DPP6: variants seen among roughly 807,000 people sequenced by gnomAD.
DPP6 encodes dipeptidyl peptidase like 6.
Under a neutral mutation model 122.6 loss-of-function variants are expected in DPP6, and 69 were observed. That is an observed-to-expected ratio of 0.56 (90% CI 0.46 to 0.69). The LOEUF (loss-of-function observed/expected upper bound fraction) is 0.69, where lower values mean the gene tolerates loss of function less well. Among genes scored for constraint, DPP6 ranks in the 30% least tolerant of loss-of-function variants. The probability of loss-of-function intolerance (pLI) is 0.00; values close to 1 mark genes in which losing one functional copy is unlikely to be tolerated. For missense variants in DPP6, 928 were observed against 1,116.9 expected, an observed-to-expected ratio of 0.83 and a Z score of 2.41; for synonymous variants, 418 against 433.1, an observed-to-expected ratio of 0.97 and a Z score of 0.43.
chr7:153,967,757 T>G (rs912923965), intron 1 of DPP6, among the ~76,000 whole-genome samples: 4 of 152,060 alleles, frequency 2.6e-5, no homozygotes, highest in African/African-American at 9.7e-5. Context: ...CACAAACTAT[T>G]AATGAGCTCA....
chr7:154,185,394 G>T (rs1377814857), intron 1 of DPP6, among the ~76,000 whole-genome samples: 1 of 152,104 alleles, frequency 6.6e-6, no homozygotes, highest in Non-Finnish European at 1.5e-5. Context: ...TTCTACTTGG[G>T]ATTCAGGGAG....
At chr7:153,852,731 CACTT>C in the DPP6 span, among the ~76,000 whole-genome samples, 2 of 152,170 alleles carry the variant, frequency 1.3e-5, no homozygotes, top group Non-Finnish European at 2.9e-5. Context: ...ACTTACCAAA[CACTT>C]ATTTATCCTC....
the DPP6 span, among the ~76,000 whole-genome samples, chr7:153,781,226 C>G: frequency 6.6e-6 from 1 of 152,138 alleles, no homozygotes; most frequent in Non-Finnish European, 1.5e-5. Context: ...CTGAGCTCTT[C>G]CACCAGCTCT....
intron 1 of DPP6, among the ~76,000 whole-genome samples, chr7:154,421,453 G>T (rs1817465674): frequency 6.6e-6 from 1 of 151,946 alleles, no homozygotes. Flanking sequence ...CTCCTCAGTA[G>T]CTGGGATTAC....
chr7:154,213,942 C>A (rs1799866953), intron 1 of DPP6, among the ~76,000 whole-genome samples: 1 of 152,170 alleles, frequency 6.6e-6, no homozygotes, highest in Admixed American at 6.5e-5. Flanking sequence ...TCCCTGCTCA[C>A]CAGTAACATG....
chr7:154,312,263 C>T (rs1222311903), intron 1 of DPP6, among the ~76,000 whole-genome samples: 2 of 152,118 alleles, frequency 1.3e-5, no homozygotes, highest in African/African-American at 4.8e-5. Flanking sequence ...AAATGTGCAG[C>T]GATTCCTTCT....
chr7:153,836,080 C>T, the DPP6 span, among the ~76,000 whole-genome samples: 1 of 152,248 alleles, frequency 6.6e-6, no homozygotes, highest in African/African-American at 2.4e-5. Flanking sequence ...TCTTCCTTAT[C>T]TGATCTCCAA....
chr7:153,877,489 C>T, the DPP6 span, among the ~76,000 whole-genome samples: 3 of 152,064 alleles, frequency 2.0e-5, no homozygotes, highest in Admixed American at 6.6e-5. Context: ...ACCAAAAACT[C>T]GTGAGAACTG....
intron 7 of DPP6, among the ~76,000 whole-genome samples, chr7:154,718,118 G>A (rs1841594840): frequency 6.6e-6 from 1 of 152,078 alleles, no homozygotes; most frequent in Non-Finnish European, 1.5e-5. Context: ...TTGCTATTGA[G>A]TTGTTTGAGT....
intron 1 of DPP6, among the ~76,000 whole-genome samples, chr7:154,269,687 C>A (rs1399242089): frequency 6.6e-6 from 1 of 152,176 alleles, no homozygotes; most frequent in Non-Finnish European, 1.5e-5. Context: ...ACAAGATTAC[C>A]ATCAGATCTA....
chr7:154,513,525 A>G (rs1183709738), intron 3 of DPP6, among the ~76,000 whole-genome samples: 1 of 152,146 alleles, frequency 6.6e-6, no homozygotes, highest in Non-Finnish European at 1.5e-5. Context: ...TCCCTCCTTC[A>G]TGGGGGAATG....
chr7:153,895,144 C>T (rs1799353341), intron 1 of DPP6, among the ~76,000 whole-genome samples: 1 of 152,044 alleles, frequency 6.6e-6, no homozygotes, highest in Non-Finnish European at 1.5e-5. Context: ...TCTTCACGCC[C>T]AGAAAAAATT....
In DPP6 at chr7:154,481,346, G is replaced by GTGGT; in HGVS notation, c.457+6309_457+6310insTGGT. Among the ~76,000 whole-genome samples, 1 of 148,060 alleles carries GTGGT rather than the reference G, an allele frequency of 6.8e-6. No individual in the cohort carries two copies. The highest frequency in any genetic ancestry group is 2.0e-4 in the East Asian group (1 of 5,024). On this transcript the variant is annotated intron_variant, in intron 3 of 25. Transcript: ENST00000377770. This position sits in a 1 kb window ranked among gnomAD's most constrained non-coding sequence, Gnocchi z 4.2. Reference sequence around the variant, plus strand: ...ATACACTTGGAGAGAGAGAGAGAGGGGTGTGTGTGTGTGTGTGTGTGTGTG... The same window carrying GTGGT: ...ATACACTTGGAGAGAGAGAGAGAGGGTGGTGTGTGTGTGTGTGTGTGTGTGTGTG...
intron 1 of DPP6, among the ~76,000 whole-genome samples, chr7:154,242,182 T>G (rs1336007699): frequency 6.6e-6 from 1 of 152,212 alleles, no homozygotes; most frequent in Non-Finnish European, 1.5e-5. Context: ...TATCCAGTCT[T>G]GCTACCTACC....
intron 1 of DPP6, among the ~76,000 whole-genome samples, chr7:154,176,894 T>A (rs1797832237): frequency 6.6e-6 from 1 of 152,186 alleles, no homozygotes; most frequent in Non-Finnish European, 1.5e-5. Flanking sequence ...CAGGTTACAG[T>A]GTGATCCTGG....
At chr7:154,063,724 C>G (rs1230752297) in intron 1 of DPP6, among the ~76,000 whole-genome samples, 1 of 149,820 alleles carries the variant, frequency 6.7e-6, no homozygotes, top group Non-Finnish European at 1.5e-5. Flanking sequence ...GAGCCAGCCC[C>G]TCTTCCCCCC....
intron 1 of DPP6, among the ~76,000 whole-genome samples, chr7:153,927,615 G>A (rs1800961380): frequency 6.6e-6 from 1 of 152,200 alleles, no homozygotes; most frequent in South Asian, 2.1e-4. Flanking sequence ...AGCACATCAT[G>A]TCGTCTTAAA....
intron 5 of DPP6, among the ~76,000 whole-genome samples, chr7:154,629,388 A>T (rs943775577): frequency 2.6e-5 from 4 of 151,702 alleles, no homozygotes; most frequent in Non-Finnish European, 4.4e-5. Flanking sequence ...TCTCATGCAG[A>T]TAACTTTCCT....
chr7:154,809,255 A>T (rs1352302356), intron 16 of DPP6, among the ~76,000 whole-genome samples: 4 of 148,482 alleles, frequency 2.7e-5, no homozygotes, highest in African/African-American at 9.8e-5. Flanking sequence ...TCTTTTTTTA[A>T]AAAAAAAAAA....
Sources: allele counts gnomAD v4.1 joint callset (sites outside exome capture counted in the v4.1 genomes callset), GRCh38; gene constraint gnomAD v4.1.1; non-coding constraint Gnocchi (gnomAD v3.1); transcripts MANE v1.5; gene names NCBI Gene and HGNC (gene_info 2026-07-23, HGNC 2026-07-21).